The following STK10 variants were observed in gnomAD, a reference collection of about 807,000 sequenced individuals.
STK10 encodes serine/threonine-protein kinase 10.
Under a neutral mutation model 113.8 loss-of-function variants are expected in STK10, and 78 were observed. That is an observed-to-expected ratio of 0.69 (90% confidence interval 0.57 to 0.83). The LOEUF (loss-of-function observed/expected upper bound fraction) is 0.83, where lower values mean the gene tolerates loss of function less well. Ranked by LOEUF, STK10 falls within the 40% of genes least tolerant of loss-of-function variation. The pLI, the probability that STK10 is intolerant of heterozygous loss-of-function variation, is 0.00. For missense variants in STK10, 1,109 were observed against 1,280.1 expected (o/e 0.87, Z 2.04); for synonymous variants, 465 against 494.7 (o/e 0.94, Z 0.80).
chr5:172,114,465 A>AT (rs1393673147), intron 4 of STK10: 4 of 33,782 alleles, frequency 1.2e-4, no homozygotes, highest in African/African-American at 5.5e-4. Context: ...ATATATATAT[A>AT]TATATATATT....
At chr5:172,152,204 T>C (rs1770248462) in intron 2 of STK10, among the ~76,000 whole-genome samples, 1 of 152,242 alleles carries the variant, frequency 6.6e-6, no homozygotes, top group South Asian at 2.1e-4. Flanking sequence ...CACTAGACTT[T>C]GAGCTCCGTG....
chr5:172,110,908 G>A (rs921034604), intron 4 of STK10, among the ~76,000 whole-genome samples: 7 of 152,198 alleles, frequency 4.6e-5, no homozygotes, highest in African/African-American at 1.7e-4. Context: ...CAAGGCTGAG[G>A]CTGAACTAAG....
chr5:172,107,057 A>C, intron 5 of STK10: 1 of 241,622 alleles, frequency 4.1e-6, no homozygotes, highest in Non-Finnish European at 8.3e-6. Flanking sequence ...GGCAGCAGCA[A>C]CCCGGAACAC....
chr5:172,179,854 T>G (rs1252665715), intron 1 of STK10, among the ~76,000 whole-genome samples: 2 of 151,648 alleles, frequency 1.3e-5, no homozygotes, highest in Non-Finnish European at 2.9e-5. Flanking sequence ...GGAGAGGAGG[T>G]GAAAGGAGAA....
At chr5:172,121,925 G>A (rs1440589201) in intron 3 of STK10, among the ~76,000 whole-genome samples, 1 of 151,206 alleles carries the variant, frequency 6.6e-6, no homozygotes, top group Non-Finnish European at 1.5e-5. Context: ...GAATGCAGTG[G>A]CGTGATCTTG....
intron 12 of STK10, among the ~76,000 whole-genome samples, chr5:172,081,979 C>T (rs550013764): frequency 6.6e-6 from 1 of 152,268 alleles, no homozygotes; most frequent in South Asian, 2.1e-4. Flanking sequence ...CACCCACTCG[C>T]CCTTCTGGGA....
At chr5:172,150,137 G>C (rs1277147495) in intron 2 of STK10, among the ~76,000 whole-genome samples, 1 of 151,488 alleles carries the variant, frequency 6.6e-6, no homozygotes, top group African/African-American at 2.4e-5. Flanking sequence ...CAGAGGCCCA[G>C]GAAAGGAAGC....
At chr5:172,046,134 C>T (rs975183200) in intron 18 of STK10, among the ~76,000 whole-genome samples, 36 of 151,644 alleles carry the variant, frequency 2.4e-4, no homozygotes, top group Admixed American at 1.4e-3. Flanking sequence ...CCAAGGCGGG[C>T]GGATCACCTG....
intron 4 of STK10, among the ~76,000 whole-genome samples, chr5:172,115,346 T>A (rs557777408): frequency 1.1e-4 from 16 of 152,142 alleles, no homozygotes; most frequent in African/African-American, 3.9e-4. Flanking sequence ...CAGCAGATGA[T>A]GCCGGGAAAT....
At chr5:172,105,935 A>G (rs1391995521) in intron 6 of STK10, among the ~76,000 whole-genome samples, 198 bp from the exon 7 acceptor site, 1 of 152,198 alleles carries the variant, frequency 6.6e-6, no homozygotes, top group African/African-American at 2.4e-5. Context: ...GACATCGGCG[A>G]GGAGCAGGGA....
In STK10 at chr5:172,187,941, C is replaced by T; in HGVS notation, c.102G>A (p.Glu34=). Residue 34 remains glutamate (E), a synonymous_variant, in exon 1 of 19, where the codon GAG becomes GAA. Coordinates refer to ENST00000176763, the MANE Select transcript of STK10 (RefSeq NM_005990.4). This position sits in a 1 kb window ranked among gnomAD's most constrained non-coding sequence, Gnocchi z 4.6. ...CCAGCTCGCCCACGATCTCCCACACCTCGTTGGGGTCCAGGTCGCGGCGGA... is the reference window on the plus strand; with the variant it reads ...CCAGCTCGCCCACGATCTCCCACACTTCGTTGGGGTCCAGGTCGCGGCGGA... The part of the protein sequence containing the change: ...EHVRRDLDPN[E]VWEIVGELGD... The T allele has an allele frequency of 6.2e-7, 1 of 1,613,626 alleles. No individual in the cohort carries two copies. The highest frequency in any genetic ancestry group is 8.5e-7 in the Non-Finnish European group (1 of 1,179,822).
intron 2 of STK10, among the ~76,000 whole-genome samples, chr5:172,148,842 TC>T (rs1314957314): frequency 1.3e-5 from 2 of 152,208 alleles, no homozygotes; most frequent in Non-Finnish European, 2.9e-5. Context: ...GCCTCTCCAC[TC>T]CACCGTTCTA....
rs1217964810 is a variant in STK10, at chr5:172,180,952, A to ATT, written c.156+6934_156+6935insAA. Among the ~76,000 whole-genome samples, 4 of 152,244 alleles carry ATT rather than the reference A, an allele frequency of 2.6e-5. No individual in the cohort carries two copies. In the East Asian group the frequency reaches 7.7e-4, roughly 29 times the overall value. On this transcript the variant is annotated intron_variant, in intron 1 of 18. Transcript: ENST00000176763. The stretch of plus-strand genomic sequence containing the variant: ...CAGGGAGTGATTCTGCTATAATGCT[A>ATT]AGGTCGTATTTGGTTACATATAGAA...
intron 2 of STK10, among the ~76,000 whole-genome samples, chr5:172,150,298 T>C (rs1374349720): frequency 6.6e-6 from 1 of 151,396 alleles, no homozygotes; most frequent in Non-Finnish European, 1.5e-5. Context: ...CTGGCCAACA[T>C]GGCGAAACCC....
intron 1 of STK10, among the ~76,000 whole-genome samples, chr5:172,157,942 C>G (rs532934873): frequency 1.3e-5 from 2 of 152,244 alleles, no homozygotes; most frequent in South Asian, 4.1e-4. Context: ...TTATTTGCAA[C>G]ATTTCCCACG....
chr5:172,178,134 C>G (rs1770788394), intron 1 of STK10, among the ~76,000 whole-genome samples: 1 of 152,190 alleles, frequency 6.6e-6, no homozygotes, highest in Admixed American at 6.5e-5. Flanking sequence ...AGCCCAGGAT[C>G]AAATTATCTG....
intron 12 of STK10, among the ~76,000 whole-genome samples, chr5:172,071,893 T>C (rs560363148): frequency 6.6e-6 from 1 of 152,170 alleles, no homozygotes; most frequent in African/African-American, 2.4e-5. Context: ...TTAAATTCTT[T>C]AAAGCCAAGA....
intron 2 of STK10, among the ~76,000 whole-genome samples, chr5:172,138,687 G>A (rs1409527712): frequency 6.6e-6 from 1 of 152,078 alleles, no homozygotes; most frequent in African/African-American, 2.4e-5. Flanking sequence ...CAAAAGTCCT[G>A]TGCACTGAAA....
chr5:172,173,067 T>C (rs1244099738), intron 1 of STK10, among the ~76,000 whole-genome samples: 1 of 152,088 alleles, frequency 6.6e-6, no homozygotes, highest in African/African-American at 2.4e-5. Context: ...CCACTGTAGA[T>C]GGTCCTGCAG....
Sources: allele counts gnomAD v4.1 joint callset (sites outside exome capture counted in the v4.1 genomes callset), GRCh38; gene constraint gnomAD v4.1.1; non-coding constraint Gnocchi (gnomAD v3.1); transcripts MANE v1.5; gene names NCBI Gene and HGNC (gene_info 2026-07-23, HGNC 2026-07-21).